PACSIN2: variants seen among roughly 807,000 people sequenced by gnomAD.
The protein encoded by PACSIN2 is protein kinase C and casein kinase substrate in neurons 2.
A neutral mutation model predicts 63.8 loss-of-function variants in PACSIN2; 25 were observed. The ratio of observed to expected loss-of-function variants is 0.39; its 90% CI spans 0.29 to 0.55. The LOEUF is 0.55. PACSIN2 is among the 20% of genes least tolerant of loss of function. The probability of loss-of-function intolerance (pLI) is 0.62; values close to 1 mark genes in which losing one functional copy is unlikely to be tolerated. For missense variants in PACSIN2, 518 were observed against 646.9 expected, an observed-to-expected ratio of 0.80 and a Z score of 2.16; for synonymous variants, 255 against 256.2, an observed-to-expected ratio of 1.00 and a Z score of 0.05.
At chr22:42,941,978 T>A (rs971847218) in intron 1 of PACSIN2, among the ~76,000 whole-genome samples, 1 of 152,178 alleles carries the variant, frequency 6.6e-6, no homozygotes, top group Non-Finnish European at 1.5e-5. Context: ...GGTTTCACCA[T>A]GTTGGCCAGG....
chr22:42,876,833 A>G lies in PACSIN2; in HGVS notation c.1151+55T>C, dbSNP rs559889423. The stretch of plus-strand genomic sequence containing the variant: ...GGGTGAGACCCCTGGACAGAGAGAG[A>G]GGAAGAGAGACAGAGTGAGCGCGGT... On this transcript the variant is annotated intron_variant, in intron 9 of 10. Transcript: ENST00000263246. 3.1e-6 allele frequency: 5 copies of G among 1,610,320 alleles called. No homozygotes were observed. In the African/African-American group the frequency reaches 5.3e-5, roughly 17 times the overall value.
At position 43,006,109 on chromosome 22, in the gene PACSIN2, A is replaced by G. The variant is rs538303613; in HGVS notation, c.-78+8912T>C. Among the ~76,000 whole-genome samples, 8 of 152,226 alleles carry G rather than the reference A, an allele frequency of 5.3e-5. No individual in the cohort carries two copies. The South Asian group carries it at 1.7e-3, about 32-fold the overall frequency. ...CACTCAGCCACTCATGCCTTTATAA[A>G]AAGTACCTGAGAGCTCTCTCGCCTT... On this transcript the variant is annotated intron_variant, in intron 1 of 10. Coordinates refer to ENST00000263246, the MANE Select transcript of PACSIN2 (RefSeq NM_001184970.3).
intron 1 of PACSIN2, among the ~76,000 whole-genome samples, chr22:42,968,458 T>C (rs1049495392): frequency 7.2e-5 from 11 of 152,152 alleles, no homozygotes; most frequent in Admixed American, 4.6e-4. Flanking sequence ...ATGGGCAAGA[T>C]GGGAAAAGAA....
At chr22:42,967,868 G>A (rs754096199) in intron 1 of PACSIN2, among the ~76,000 whole-genome samples, 8 of 152,134 alleles carry the variant, frequency 5.3e-5, no homozygotes, top group Non-Finnish European at 8.8e-5. Context: ...AGCCTGGGCC[G>A]CAGAGCGAGA....
At chr22:42,930,306 T>C (rs1199990196) in intron 1 of PACSIN2, among the ~76,000 whole-genome samples, 1 of 152,184 alleles carries the variant, frequency 6.6e-6, no homozygotes, top group Non-Finnish European at 1.5e-5. Context: ...CTACCTGTGC[T>C]CTCTGCCCCA....
chr22:42,872,879 C>T (rs550877009), intron 10 of PACSIN2, among the ~76,000 whole-genome samples: 2 of 152,364 alleles, frequency 1.3e-5, no homozygotes, highest in South Asian at 2.1e-4. Context: ...GCAGCAGCCA[C>T]GATGAACCAC....
intron 2 of PACSIN2, among the ~76,000 whole-genome samples, chr22:42,906,326 C>T (rs1931071095): frequency 6.6e-6 from 1 of 152,270 alleles, no homozygotes; most frequent in Non-Finnish European, 1.5e-5. Context: ...CTGCTTTCTG[C>T]TCTAATCTCA....
chr22:42,931,451 A>T (rs1240087094), intron 1 of PACSIN2, among the ~76,000 whole-genome samples: 4 of 152,232 alleles, frequency 2.6e-5, no homozygotes, highest in African/African-American at 7.2e-5. Context: ...GGGCAGGTGC[A>T]GAGTGGGAGA....
chr22:43,008,733 C>T (rs1924260207), intron 1 of PACSIN2, among the ~76,000 whole-genome samples: 1 of 152,264 alleles, frequency 6.6e-6, no homozygotes, highest in Non-Finnish European at 1.5e-5. Context: ...CACCCAGCGG[C>T]TCTGGGCCCA....
intron 1 of PACSIN2, among the ~76,000 whole-genome samples, chr22:42,923,868 C>A (rs936969625): frequency 1.3e-5 from 2 of 152,070 alleles, no homozygotes; most frequent in African/African-American, 4.8e-5. Context: ...GAGATCCCAT[C>A]TCTAAAATAA....
At chr22:42,933,042 T>C (rs1449467899) in intron 1 of PACSIN2, among the ~76,000 whole-genome samples, 1 of 152,198 alleles carries the variant, frequency 6.6e-6, no homozygotes, top group African/African-American at 2.4e-5. Context: ...GAATCAGCAT[T>C]TATATTTACA....
chr22:42,959,211 C>A (rs1391129821), intron 1 of PACSIN2, among the ~76,000 whole-genome samples: 1 of 152,170 alleles, frequency 6.6e-6, no homozygotes, highest in Non-Finnish European at 1.5e-5. Flanking sequence ...ACAGCAATTA[C>A]AGTCTCCTGG....
chr22:43,009,081 CTACGA>C (rs1924283972), intron 1 of PACSIN2, among the ~76,000 whole-genome samples: 1 of 152,192 alleles, frequency 6.6e-6, no homozygotes, highest in Admixed American at 6.5e-5. Flanking sequence ...ATAGTTTCCT[CTACGA>C]GTGACACATT....
chr22:43,003,895 T>C lies in PACSIN2; in HGVS notation c.-78+11126A>G, dbSNP rs924965503. 2.0e-5 allele frequency among the ~76,000 whole-genome samples: 3 copies of C among 152,206 alleles called. No homozygotes were observed. The South Asian group carries it at 6.2e-4, about 32-fold the overall frequency. On this transcript the variant is annotated intron_variant, in intron 1 of 10. Coordinates refer to ENST00000263246, the MANE Select transcript of PACSIN2 (RefSeq NM_001184970.3). ...GTGTACCAGCGAGTCACCCACGGCC[T>C]TGACCGCACCCCAGCAGCTCTCCCT...
chr22:43,000,029 T>G (rs1027464607), intron 1 of PACSIN2, among the ~76,000 whole-genome samples: 1 of 152,212 alleles, frequency 6.6e-6, no homozygotes, highest in Non-Finnish European at 1.5e-5. Context: ...ATTTCAAAGG[T>G]GAGGTAGGTA....
At chr22:42,971,489 C>A (rs927225614) in intron 1 of PACSIN2, among the ~76,000 whole-genome samples, 1 of 152,222 alleles carries the variant, frequency 6.6e-6, no homozygotes, top group African/African-American at 2.4e-5. Flanking sequence ...AAGAGTGCAG[C>A]CTCTGCCCGG....
At chr22:42,894,042 A>G (rs958640665) in intron 2 of PACSIN2, among the ~76,000 whole-genome samples, 3 of 152,090 alleles carry the variant, frequency 2.0e-5, no homozygotes, top group Non-Finnish European at 4.4e-5. Context: ...TTACTTCCCA[A>G]TCATAGCTGT....
chr22:42,898,873 G>A (rs886716390), intron 2 of PACSIN2, among the ~76,000 whole-genome samples: 48 of 152,298 alleles, frequency 3.2e-4, no homozygotes, highest in African/African-American at 8.9e-4. Flanking sequence ...AGAAACATCC[G>A]TGCAATCAGG....
rs1224547847 is a variant in PACSIN2, at chr22:42,992,682, CA to C, written c.-78+22338del. Among the ~76,000 whole-genome samples the C allele has an allele frequency of 2.0e-5, 3 of 152,172 alleles. No individual in the cohort carries two copies. In the East Asian group the frequency reaches 5.8e-4, roughly 29 times the overall value. ...TCTGTAACATCTTTTCACGACATAG[CA>C]TCTTCATTTGTGATTACACCAAGTG... On this transcript the variant is annotated intron_variant, in intron 1 of 10. Transcript: ENST00000263246.
Sources: allele counts gnomAD v4.1 joint callset (sites outside exome capture counted in the v4.1 genomes callset), GRCh38; gene constraint gnomAD v4.1.1; transcripts MANE v1.5; gene names NCBI Gene and HGNC (gene_info 2026-07-23, HGNC 2026-07-21).